MARCHF1: variants seen among roughly 807,000 people sequenced by gnomAD.
MARCHF1 encodes membrane associated ring-CH-type finger 1.
In MARCHF1, 40 loss-of-function variants were observed where a neutral mutation model predicts 54.2. That is an observed-to-expected ratio of 0.74 (90% CI 0.57 to 0.96). The LOEUF is 0.96. Among genes scored for constraint, MARCHF1 ranks in the 40% least tolerant of loss-of-function variants. The probability of loss-of-function intolerance (pLI) is 0.00; values close to 1 mark genes in which losing one functional copy is unlikely to be tolerated. For missense variants in MARCHF1, 586 were observed against 656.5 expected (o/e 0.89, Z 1.17); for synonymous variants, 236 against 236.3 (o/e 1.00, Z 0.01).
intron 1 of MARCHF1, among the ~76,000 whole-genome samples, chr4:164,170,478 G>A (rs1730495569): frequency 6.6e-6 from 1 of 152,030 alleles, no homozygotes; most frequent in African/African-American, 2.4e-5. Flanking sequence ...TAATGAGATA[G>A]CATTATCTTT....
intron 1 of MARCHF1, among the ~76,000 whole-genome samples, chr4:164,245,073 A>G (rs1732901062): frequency 6.6e-6 from 1 of 152,228 alleles, no homozygotes; most frequent in Non-Finnish European, 1.5e-5. Context: ...ATTCCAATCA[A>G]TAGAAAAAGA....
intron 4 of MARCHF1, among the ~76,000 whole-genome samples, chr4:163,777,613 A>C (rs1302101578): frequency 6.6e-6 from 1 of 152,114 alleles, no homozygotes; most frequent in Non-Finnish European, 1.5e-5. Flanking sequence ...TTACATGCTT[A>C]TTTGTTTTGG....
At chr4:164,300,970 A>G (rs1375428900) in intron 1 of MARCHF1, among the ~76,000 whole-genome samples, 1 of 152,194 alleles carries the variant, frequency 6.6e-6, no homozygotes, top group Non-Finnish European at 1.5e-5. Flanking sequence ...AGATGGGGGA[A>G]GAGACGAAAA....
At chr4:163,800,457 A>G (rs1198695702) in intron 4 of MARCHF1, among the ~76,000 whole-genome samples, 1 of 151,930 alleles carries the variant, frequency 6.6e-6, no homozygotes, top group African/African-American at 2.4e-5. Context: ...ATAATTCCAA[A>G]GAGTATTTTT....
chr4:164,216,693 TG>T (rs879329065), intron 1 of MARCHF1, among the ~76,000 whole-genome samples: 8 of 152,204 alleles, frequency 5.3e-5, no homozygotes, highest in Non-Finnish European at 8.8e-5. Context: ...GCTCATACTC[TG>T]TGTTTTTACC....
At chr4:164,077,270 G>A (rs1380372740) in intron 2 of MARCHF1, among the ~76,000 whole-genome samples, 1 of 152,128 alleles carries the variant, frequency 6.6e-6, no homozygotes. Context: ...ACAAAAACAA[G>A]CAATGGGGAA....
chr4:163,932,735 C>T (rs1172869894), intron 3 of MARCHF1: 2 of 543,716 alleles, frequency 3.7e-6, no homozygotes, highest in African/African-American at 3.8e-5. Flanking sequence ...ACACCTCCGA[C>T]AAGAAGTTGC....
At chr4:164,301,065 A>C (rs1734546652) in intron 1 of MARCHF1, among the ~76,000 whole-genome samples, 1 of 152,164 alleles carries the variant, frequency 6.6e-6, no homozygotes, top group South Asian at 2.1e-4. Context: ...TTTTAAAGAC[A>C]CTATAAATTA....
chr4:164,157,323 A>G (rs1730104596), intron 1 of MARCHF1, among the ~76,000 whole-genome samples: 1 of 152,182 alleles, frequency 6.6e-6, no homozygotes, highest in African/African-American at 2.4e-5. Flanking sequence ...TCTTTACAAG[A>G]CAACTTCTGA....
chr4:163,919,148 C>T (rs1751371832), intron 3 of MARCHF1, among the ~76,000 whole-genome samples: 2 of 152,002 alleles, frequency 1.3e-5, no homozygotes, highest in African/African-American at 2.4e-5. Flanking sequence ...GTACCATTGA[C>T]TAACAAATGT....
At chr4:163,998,356 G>A (rs903932178) in intron 2 of MARCHF1, among the ~76,000 whole-genome samples, 1 of 151,148 alleles carries the variant, frequency 6.6e-6, no homozygotes, top group Admixed American at 6.6e-5. Context: ...AAGTTCTGGT[G>A]TTTTTATATT....
chr4:164,098,749 T>C (rs1397996244), intron 2 of MARCHF1, among the ~76,000 whole-genome samples: 1 of 152,192 alleles, frequency 6.6e-6, no homozygotes, highest in African/African-American at 2.4e-5. Flanking sequence ...TGAAAATTAT[T>C]TTGGCTGTCT....
intron 3 of MARCHF1, among the ~76,000 whole-genome samples, chr4:163,948,781 A>C (rs1051932771): frequency 6.6e-6 from 1 of 152,258 alleles, no homozygotes; most frequent in Admixed American, 6.5e-5. Context: ...TCTACATTTA[A>C]TGGAACAATC....
At chr4:163,699,326 C>T (rs1292650945) in intron 5 of MARCHF1, among the ~76,000 whole-genome samples, 1 of 152,150 alleles carries the variant, frequency 6.6e-6, no homozygotes, top group East Asian at 1.9e-4. Flanking sequence ...TATGGTCTCC[C>T]TATGGAGGAA....
intron 5 of MARCHF1, among the ~76,000 whole-genome samples, chr4:163,687,043 G>T (rs1440388061): frequency 1.3e-5 from 2 of 152,026 alleles, no homozygotes; most frequent in African/African-American, 4.8e-5. Context: ...ATCTAATTTT[G>T]CAGATGGGCA....
intron 1 of MARCHF1, among the ~76,000 whole-genome samples, chr4:164,294,435 C>T (rs1393711950): frequency 6.6e-6 from 1 of 152,176 alleles, no homozygotes; most frequent in Non-Finnish European, 1.5e-5. Flanking sequence ...ATAGCTCCAG[C>T]CACACCAACG....
At chr4:164,302,224 T>C (rs1274303006) in intron 1 of MARCHF1, among the ~76,000 whole-genome samples, 1 of 152,142 alleles carries the variant, frequency 6.6e-6, no homozygotes, top group East Asian at 1.9e-4. Context: ...CTAAAGAGCT[T>C]ATCAAAGACA....
At chr4:164,242,040 G>T (rs566145686) in intron 1 of MARCHF1, among the ~76,000 whole-genome samples, 7 of 152,314 alleles carry the variant, frequency 4.6e-5, no homozygotes, top group East Asian at 3.9e-4. Flanking sequence ...AGGCGGCAGC[G>T]AGGCAGGGGG....
At chr4:164,227,506 A>T (rs1475426988) in intron 1 of MARCHF1, among the ~76,000 whole-genome samples, 1 of 152,142 alleles carries the variant, frequency 6.6e-6, no homozygotes, top group Non-Finnish European at 1.5e-5. Context: ...TGACAGAGGC[A>T]CTCATCATAT....
Sources: allele counts gnomAD v4.1 joint callset (sites outside exome capture counted in the v4.1 genomes callset), GRCh38; gene constraint gnomAD v4.1.1; transcripts MANE v1.5; gene names NCBI Gene and HGNC (gene_info 2026-07-23, HGNC 2026-07-21).